Variants in SKAP2 observed in about 807,000 individuals in gnomAD.
SKAP2 encodes src kinase associated phosphoprotein 2, also known as src kinase-associated phosphoprotein 2.
Under a neutral mutation model 54.9 loss-of-function variants are expected in SKAP2, and 28 were observed. The ratio of observed to expected loss-of-function variants is 0.51; its 90% confidence interval spans 0.38 to 0.70. The LOEUF is 0.70. Among genes scored for constraint, SKAP2 ranks in the 30% least tolerant of loss-of-function variants. The pLI, the probability that SKAP2 is intolerant of heterozygous loss-of-function variation, is 0.00. For synonymous variants in SKAP2, 137 were observed against 134.3 expected (o/e 1.02, Z -0.14); for missense variants, 356 against 424.1 (o/e 0.84, Z 1.41).
chr7:26,681,008 C>T (rs1267752344), intron 11 of SKAP2, among the ~76,000 whole-genome samples: 5 of 152,040 alleles, frequency 3.3e-5, no homozygotes. Context: ...GTTGACTGAG[C>T]ACAGCTAACA....
chr7:26,717,840 T>A (rs1473079652), intron 9 of SKAP2, among the ~76,000 whole-genome samples: 3 of 150,776 alleles, frequency 2.0e-5, no homozygotes, highest in South Asian at 2.1e-4. Context: ...TCAAAAAAAA[T>A]AAAAAAATAA....
At chr7:26,799,804 G>A (rs577048955) in intron 4 of SKAP2, among the ~76,000 whole-genome samples, 4 of 152,290 alleles carry the variant, frequency 2.6e-5, no homozygotes, top group Admixed American at 2.0e-4. Flanking sequence ...TAGACCATAT[G>A]TCAGGTCACA....
chr7:26,690,781 C>T (rs1786764403), intron 9 of SKAP2, among the ~76,000 whole-genome samples: 1 of 152,306 alleles, frequency 6.6e-6, no homozygotes. Flanking sequence ...TATACTGATA[C>T]ACCACATTGT....
At position 26,849,686 on chromosome 7, in the gene SKAP2, C is replaced by CAA. The variant is rs11327610; in HGVS notation, c.199+4449_199+4450dup. On this transcript the variant is annotated intron_variant, in intron 3 of 12. Coordinates refer to ENST00000345317, the MANE Select transcript of SKAP2 (RefSeq NM_003930.5). Reference sequence around the variant, plus strand: ...GGTGCGACAGAGTGAGACTCCATCTCAAAAAAAAAAAAAAAAAGCTGTAGA... The same window carrying CAA: ...GGTGCGACAGAGTGAGACTCCATCTCAAAAAAAAAAAAAAAAAAAGCTGTAGA... Among the ~76,000 whole-genome samples the CAA allele has an allele frequency of 1.4e-4, 12 of 85,426 alleles. 1 individual carries two copies. In the East Asian group the frequency reaches 2.0e-3, roughly 14 times the overall value. The allele number at this position is 85,426 out of a possible 152,430, so 56.0% of individuals were successfully genotyped here.
chr7:26,710,196 G>A (rs963301778), intron 9 of SKAP2, among the ~76,000 whole-genome samples: 8 of 152,150 alleles, frequency 5.3e-5, no homozygotes, highest in African/African-American at 7.2e-5. Flanking sequence ...CTCTGGGGGT[G>A]CCAGGAAATA....
At chr7:26,750,492 G>A (rs1782658690) in intron 4 of SKAP2, among the ~76,000 whole-genome samples, 1 of 151,826 alleles carries the variant, frequency 6.6e-6, no homozygotes, top group African/African-American at 2.4e-5. Flanking sequence ...TGTATCTGTA[G>A]TAGAGATGGG....
intron 9 of SKAP2, among the ~76,000 whole-genome samples, chr7:26,694,051 C>A (rs116025690): frequency 0.014 from 2,203 of 151,954 alleles, 41 homozygotes; most frequent in African/African-American, 0.048. Context: ...AACAAGTGAC[C>A]AAAATTCTAG....
chr7:26,711,852 G>A lies in SKAP2; in HGVS notation c.796+13576C>T, dbSNP rs566555415. On this transcript the variant is annotated intron_variant, in intron 9 of 12. Transcript: ENST00000345317. ...AGAGAAAGAGATACACACACAGGAA[G>A]TGGGGAGACCACTTAGGAGCTTTTG... 3.9e-5 allele frequency among the ~76,000 whole-genome samples: 6 copies of A among 152,332 alleles called. No homozygotes were observed. In the South Asian group the frequency reaches 1.2e-3, roughly 32 times the overall value.
intron 6 of SKAP2, among the ~76,000 whole-genome samples, chr7:26,729,337 G>A (rs1182486833): frequency 6.6e-6 from 1 of 152,094 alleles, no homozygotes; most frequent in Admixed American, 6.6e-5. Flanking sequence ...AGCAAATACA[G>A]ATGCCATAAA....
chr7:26,718,495 TTTTAA>T lies in SKAP2; in HGVS notation c.796+6928_796+6932del, dbSNP rs1225484939. 2.0e-5 allele frequency among the ~76,000 whole-genome samples: 3 copies of T among 151,554 alleles called. No individual in the cohort carries two copies. The South Asian group carries it at 6.2e-4, about 31-fold the overall frequency. ...GAGTGACTTCCACTTTTTTATTTTA[TTTTAA>T]TTTATTTTATTTTATTTTATTTTAT... On this transcript the variant is annotated intron_variant, in intron 9 of 12. Transcript: ENST00000345317.
intron 9 of SKAP2, among the ~76,000 whole-genome samples, chr7:26,706,402 T>A (rs1412528489): frequency 1.3e-5 from 2 of 152,164 alleles, no homozygotes; most frequent in Admixed American, 1.3e-4. Flanking sequence ...CCCTCACGTG[T>A]CTCATTTAAC....
At chr7:26,730,642 T>C (rs1195570197) in intron 6 of SKAP2, among the ~76,000 whole-genome samples, 2 of 152,214 alleles carry the variant, frequency 1.3e-5, no homozygotes, top group Non-Finnish European at 2.9e-5. Flanking sequence ...CTAACCTCTA[T>C]CATGCTGTTT....
At chr7:26,786,003 T>C (rs775683753) in intron 4 of SKAP2, among the ~76,000 whole-genome samples, 2 of 152,074 alleles carry the variant, frequency 1.3e-5, no homozygotes, top group Non-Finnish European at 2.9e-5. Context: ...GGAAATGAGA[T>C]GCAGACATGA....
At chr7:26,671,448 T>C (rs1330867032) in intron 11 of SKAP2, among the ~76,000 whole-genome samples, 1 of 152,060 alleles carries the variant, frequency 6.6e-6, no homozygotes, top group African/African-American at 2.4e-5. Context: ...AAAGGAAAAT[T>C]ATGCAATTCT....
At chr7:26,780,358 T>C (rs1342709776) in intron 4 of SKAP2, among the ~76,000 whole-genome samples, 1 of 152,134 alleles carries the variant, frequency 6.6e-6, no homozygotes. Context: ...AAGCATTCAT[T>C]TGGTTTTGAA....
the SKAP2 span, among the ~76,000 whole-genome samples, chr7:26,655,861 G>C: frequency 6.6e-6 from 1 of 152,174 alleles, no homozygotes; most frequent in East Asian, 1.9e-4. Flanking sequence ...TCTCTGAGCT[G>C]TCACATGGAG....
intron 3 of SKAP2, 54 bp downstream of exon 3, chr7:26,854,083 G>C: frequency 7.7e-7 from 1 of 1,294,360 alleles, no homozygotes; most frequent in East Asian, 2.4e-5. Context: ...TTATCCTATT[G>C]AAAATTTCCA....
At chr7:26,781,679 C>T (rs1227980258) in intron 4 of SKAP2, among the ~76,000 whole-genome samples, 1 of 152,168 alleles carries the variant, frequency 6.6e-6, no homozygotes, top group African/African-American at 2.4e-5. Context: ...AAATCAACAG[C>T]TAGGACAATT....
chr7:26,790,979 A>G (rs1783662747), intron 4 of SKAP2, among the ~76,000 whole-genome samples: 2 of 152,202 alleles, frequency 1.3e-5, no homozygotes, highest in African/African-American at 4.8e-5. Context: ...CCTTAAAGAA[A>G]TATATATAGA....
Sources: allele counts gnomAD v4.1 joint callset (sites outside exome capture counted in the v4.1 genomes callset), GRCh38; gene constraint gnomAD v4.1.1; transcripts MANE v1.5; gene names NCBI Gene and HGNC (gene_info 2026-07-23, HGNC 2026-07-21).